BLMH: variants seen among roughly 807,000 people sequenced by gnomAD.
BLMH encodes the protein BLM hydrolase.
BLMH carries 32 observed loss-of-function variants against 61.6 expected under a neutral mutation model. That is an observed-to-expected ratio of 0.52 (90% confidence interval 0.39 to 0.70). The LOEUF is 0.70. Ranked by LOEUF, BLMH falls within the 30% of genes least tolerant of loss-of-function variation. The pLI is 0.00. For missense variants in BLMH, 460 were observed against 555.5 expected (o/e 0.83, Z 1.73); for synonymous variants, 183 against 193.8 (o/e 0.94, Z 0.46).
At chr17:30,270,152 A>G (rs1908227684) in intron 10 of BLMH, among the ~76,000 whole-genome samples, 1 of 152,252 alleles carries the variant, frequency 6.6e-6, no homozygotes, top group Non-Finnish European at 1.5e-5. Context: ...ATATTTCTAA[A>G]CATTTTAAAG....
chr17:30,267,968 C>G (rs1168820917), intron 10 of BLMH, among the ~76,000 whole-genome samples: 1 of 152,172 alleles, frequency 6.6e-6, no homozygotes, highest in Non-Finnish European at 1.5e-5. Flanking sequence ...TTTCTTGGAT[C>G]TCAGTAATTT....
At chr17:30,289,984 A>AAC (rs369960675) in intron 2 of BLMH, among the ~76,000 whole-genome samples, 100 of 151,572 alleles carry the variant, frequency 6.6e-4, no homozygotes, top group East Asian at 1.5e-3. Flanking sequence ...AACACTATTA[A>AAC]ACACACACAC....
chr17:30,279,433 TTAAA>T (rs1355017952), intron 6 of BLMH, among the ~76,000 whole-genome samples: 2 of 152,228 alleles, frequency 1.3e-5, no homozygotes, highest in African/African-American at 4.8e-5. Flanking sequence ...CTTTAGCTAA[TTAAA>T]TAGAGAATTT....
At chr17:30,261,617 GC>G (rs1907963019) in intron 11 of BLMH, among the ~76,000 whole-genome samples, 1 of 152,090 alleles carries the variant, frequency 6.6e-6, no homozygotes, top group South Asian at 2.1e-4. Flanking sequence ...TTAAATTACT[GC>G]CCAGCATCTA....
Position 30,274,153 on chromosome 17 carries a change from T to C in BLMH, c.690A>G (p.Thr230=), listed in dbSNP as rs1908354954. 6.2e-7 allele frequency: 1 copy of C among 1,614,066 alleles called. No homozygotes were observed. The highest frequency in any genetic ancestry group is 8.5e-7 in the Non-Finnish European group (1 of 1,180,030). ...VCICLGNPPE[T]FTWEYRDKDK... ...CTTTGTCTCGATATTCCCAGGTGAA[T>C]GTCTCTGGTGGATTACCCAAACAGA... Residue 230 remains threonine, a synonymous_variant, in exon 7 of 12, where the codon ACA becomes ACG. Coordinates refer to ENST00000261714, the MANE Select transcript of BLMH (RefSeq NM_000386.4).
In BLMH at chr17:30,287,945, A is replaced by C; in HGVS notation, c.324T>G (p.Val108=). 6.2e-7 allele frequency: 1 copy of C among 1,610,064 alleles called. No individual in the cohort carries two copies. The highest frequency in any genetic ancestry group is 8.5e-7 in the Non-Finnish European group (1 of 1,178,734). ...CACTCAAGAAGAAATAACAGCGTTC[A>C]ACCTAAAGAGTAAAGAAAGTTAAAT... ...SQSYLFFWDK[V]ERCYFFLSAF... The change falls in exon 4 of 12, where the codon GTT becomes GTG. Residue 108 remains valine (V), a splice_region_variant and synonymous_variant. Coordinates refer to ENST00000261714, the MANE Select transcript of BLMH (RefSeq NM_000386.4).
At chr17:30,286,954 G>T in intron 4 of BLMH, 52 bp from the exon 5 acceptor site, 1 of 1,168,146 alleles carries the variant, frequency 8.6e-7, no homozygotes. Context: ...TAGAAACCCT[G>T]GCAAAAATAG....
chr17:30,259,962 C>A (rs1907913879), intron 11 of BLMH, among the ~76,000 whole-genome samples: 1 of 152,098 alleles, frequency 6.6e-6, no homozygotes, highest in Non-Finnish European at 1.5e-5. Context: ...AGTTAGATGC[C>A]CTCCTCTAGA....
In BLMH at chr17:30,268,537, T is replaced by C. The variant is rs182135019; in HGVS notation, c.1147-1583A>G. 4.6e-5 allele frequency among the ~76,000 whole-genome samples: 7 copies of C among 152,228 alleles called. No individual in the cohort carries two copies. The South Asian group carries it at 6.2e-4, about 14-fold the overall frequency. ...TAAATTCTGCTTTATACCATTAGCA[T>C]GTAAGGTAGCTCCATTTTCCTAAGG... On this transcript the variant is annotated intron_variant, in intron 10 of 11. Coordinates refer to ENST00000261714, the MANE Select transcript of BLMH (RefSeq NM_000386.4).
At chr17:30,281,096 T>C (rs200569111) in intron 6 of BLMH, among the ~76,000 whole-genome samples, 1 of 150,356 alleles carries the variant, frequency 6.7e-6, no homozygotes, top group Non-Finnish European at 1.5e-5. Context: ...TTTGTTGTTT[T>C]TTTTTTTTTT....
At chr17:30,275,509 G>C (rs968976460) in intron 6 of BLMH, among the ~76,000 whole-genome samples, 2 of 151,502 alleles carry the variant, frequency 1.3e-5, no homozygotes, top group African/African-American at 2.4e-5. Context: ...AGATACAAAA[G>C]AAAACAAAAC....
intron 7 of BLMH, 49 bp from the exon 8 acceptor site, chr17:30,272,948 A>C: frequency 1.5e-4 from 240 of 1,585,348 alleles, no homozygotes; most frequent in Non-Finnish European, 1.9e-4. Context: ...CAGGAATGTC[A>C]AGCAACACAC....
At chr17:30,253,640 A>C (rs1042220250) in intron 11 of BLMH, among the ~76,000 whole-genome samples, 4 of 152,194 alleles carry the variant, frequency 2.6e-5, no homozygotes, top group African/African-American at 9.7e-5. Context: ...CCTAACCCTT[A>C]GACACACTGG....
chr17:30,287,991 TCAATAATTTTATTGGCATTATCAA>T, intron 3 of BLMH, 44 bp from the exon 4 acceptor site: 1 of 1,547,962 alleles, frequency 6.5e-7, no homozygotes, highest in Non-Finnish European at 8.8e-7. Flanking sequence ...GAAAAAAGTG[TCAATAATTTTATTGGCATTATCAA>T]CAGAATGGGA....
In BLMH at chr17:30,274,160, G is replaced by C. The variant is rs755880091; in HGVS notation, c.683C>G (p.Pro228Arg). ...RVVCICLGNP[P>R]ETFTWEYRDK... ...TCGATATTCCCAGGTGAATGTCTCTGGTGGATTACCCAAACAGATGCACAC... is the reference window on the plus strand; with the variant it reads ...TCGATATTCCCAGGTGAATGTCTCTCGTGGATTACCCAAACAGATGCACAC... Residue 228 changes from proline to arginine, a missense_variant, in exon 7 of 12, where the codon CCA becomes CGA. Transcript: ENST00000261714. 6.2e-7 allele frequency: 1 copy of C among 1,614,092 alleles called. No individual in the cohort carries two copies. Among genetic ancestry groups the C allele is most frequent in the Admixed American group, 1.7e-5 (1 of 60,024 alleles).
intron 11 of BLMH, among the ~76,000 whole-genome samples, chr17:30,255,322 T>A (rs1462559448): frequency 1.3e-5 from 2 of 152,244 alleles, no homozygotes; most frequent in African/African-American, 4.8e-5. Context: ...GGCGATGGGC[T>A]ATACCATCAA....
rs370742025 is a variant in BLMH, at chr17:30,256,848, T to G, written c.1217-7680A>C. Among the ~76,000 whole-genome samples the G allele has an allele frequency of 9.8e-5, 15 of 152,320 alleles. No individual in the cohort carries two copies. The East Asian group carries it at 2.7e-3, about 27-fold the overall frequency. ...GTCCCCAACTATGAAACAGATAATT[T>G]CAACAGATAATTGAGTAGTGACAAT... On this transcript the variant is annotated intron_variant, in intron 11 of 11. Coordinates refer to ENST00000261714, the MANE Select transcript of BLMH (RefSeq NM_000386.4).
At chr17:30,280,912 G>C (rs1908568290) in intron 6 of BLMH, among the ~76,000 whole-genome samples, 1 of 152,160 alleles carries the variant, frequency 6.6e-6, no homozygotes. Context: ...AAAAAGTTCA[G>C]TGCTGTGGGT....
At chr17:30,275,384 G>C (rs141762781) in intron 6 of BLMH, among the ~76,000 whole-genome samples, 1 of 152,118 alleles carries the variant, frequency 6.6e-6, no homozygotes, top group African/African-American at 2.4e-5. Context: ...AACAAGGCTG[G>C]GCACAGTGGC....
Sources: gnomAD v4.1 joint callset for allele counts (sites outside exome capture counted in the v4.1 genomes callset) on GRCh38, gnomAD v4.1.1 for gene constraint, MANE v1.5 for transcripts, NCBI Gene and HGNC (gene_info 2026-07-23, HGNC 2026-07-21) for gene names.